Variants in TCF12 observed in about 807,000 individuals in gnomAD.
TCF12 encodes the protein transcription factor 12.
In TCF12, 45 loss-of-function variants were observed where a neutral mutation model predicts 86.0. The ratio of observed to expected loss-of-function variants is 0.52; its 90% confidence interval spans 0.41 to 0.67. The LOEUF is 0.67. Ranked by LOEUF, TCF12 falls within the 30% of genes least tolerant of loss-of-function variation. The pLI, the probability that TCF12 is intolerant of heterozygous loss-of-function variation, is 0.00. For synonymous variants in TCF12, 330 were observed against 299.6 expected (o/e 1.10, Z -1.05); for missense variants, 881 against 859.9 (o/e 1.02, Z -0.31).
At chr15:56,936,877 C>G (rs2060492300) in intron 3 of TCF12, among the ~76,000 whole-genome samples, 2 of 152,120 alleles carry the variant, frequency 1.3e-5, no homozygotes, top group African/African-American at 2.4e-5. Context: ...GTGACTATGG[C>G]CTTACAGTCT....
chr15:56,948,985 T>A (rs1176699272), intron 3 of TCF12, among the ~76,000 whole-genome samples: 2 of 152,172 alleles, frequency 1.3e-5, no homozygotes, highest in African/African-American at 4.8e-5. Flanking sequence ...CCAGGCAGAT[T>A]TTTTTGGGTG....
chr15:56,919,169 T>G (rs183438595), intron 1 of TCF12: 1 of 151,314 alleles, frequency 6.6e-6, no homozygotes, highest in Non-Finnish European at 1.5e-5. Flanking sequence ...GCGCCCAGGC[T>G]CCGGGGCGCG....
At chr15:57,151,170 A>G (rs1165819701) in intron 5 of TCF12, among the ~76,000 whole-genome samples, 2 of 142,810 alleles carry the variant, frequency 1.4e-5, no homozygotes, top group Admixed American at 1.4e-4. Context: ...TTTTAGAGAC[A>G]GGGTCTTACT....
intron 3 of TCF12, among the ~76,000 whole-genome samples, chr15:57,023,378 C>T (rs1315793220): frequency 6.6e-6 from 1 of 152,056 alleles, no homozygotes; most frequent in African/African-American, 2.4e-5. Flanking sequence ...GACATTGAAA[C>T]TCTCTTTACC....
chr15:57,108,551 T>C (rs28648502), intron 5 of TCF12, among the ~76,000 whole-genome samples: 65,329 of 151,794 alleles, frequency 0.43, 14,293 homozygotes, highest in East Asian at 0.58. Flanking sequence ...AGAAACTGGC[T>C]CTACAGGTAG....
intron 5 of TCF12, among the ~76,000 whole-genome samples, chr15:57,132,578 G>T (rs552704499): frequency 6.6e-6 from 1 of 152,200 alleles, no homozygotes; most frequent in Non-Finnish European, 1.5e-5. Flanking sequence ...TTAAGGTGCC[G>T]AATTGCCCTC....
At chr15:56,940,830 A>G (rs191910344) in intron 3 of TCF12, among the ~76,000 whole-genome samples, 57 of 148,484 alleles carry the variant, frequency 3.8e-4, no homozygotes, top group African/African-American at 1.2e-3. Flanking sequence ...ATCATAGCCT[A>G]CTGCATCCTT....
At chr15:57,153,965 A>G (rs1023623736) in intron 5 of TCF12, among the ~76,000 whole-genome samples, 5 of 151,828 alleles carry the variant, frequency 3.3e-5, no homozygotes, top group African/African-American at 1.2e-4. Flanking sequence ...ATTGCATTCC[A>G]CCCTGGGTGA....
At chr15:57,274,415 T>A (rs2061286495) in intron 19 of TCF12, among the ~76,000 whole-genome samples, 1 of 152,212 alleles carries the variant, frequency 6.6e-6, no homozygotes, top group Non-Finnish European at 1.5e-5. Flanking sequence ...CTTGCTCCTC[T>A]TCTCCCAAGG....
At chr15:57,015,851 T>G (rs2065123465) in intron 3 of TCF12, among the ~76,000 whole-genome samples, 1 of 152,222 alleles carries the variant, frequency 6.6e-6, no homozygotes, top group Non-Finnish European at 1.5e-5. Flanking sequence ...ACAACACTTC[T>G]TTCCAGGGCG....
chr15:57,232,790 A>T lies in TCF12; in HGVS notation c.904A>T (p.Thr302Ser), dbSNP rs775936474. 6 of 1,612,880 alleles carry T rather than the reference A, an allele frequency of 3.7e-6. No individual in the cohort carries two copies. Among genetic ancestry groups the T allele is most frequent in the Non-Finnish European group, 5.1e-6 (6 of 1,179,480 alleles). The change falls in exon 11 of 21, where the codon ACC becomes TCC. Residue 302 changes from threonine (T) to serine (S), a missense_variant. Thr to Ser is a moderately conservative substitution (Grantham distance 58). This residue lies in a region of TCF12 where 766 missense variants were observed against 718.9 expected (regional missense o/e 1.07). Transcript: ENST00000333725. ...AATGTCCAGCTTTCATCGCGGCAGT[A>T]CCAGCAGTTCACCTTACGTTGCTGC... ...PPMSSFHRGS[T>S]SSSPYVAASH...
chr15:56,962,644 T>G (rs1642929), intron 3 of TCF12, among the ~76,000 whole-genome samples: 1 of 151,994 alleles, frequency 6.6e-6, no homozygotes, highest in Non-Finnish European at 1.5e-5. Context: ...CAATTAGTGA[T>G]GTAACCTACT....
At chr15:57,163,712 AAATGAATT>A (rs1308591749) in intron 5 of TCF12, among the ~76,000 whole-genome samples, 1 of 152,200 alleles carries the variant, frequency 6.6e-6, no homozygotes, top group Admixed American at 6.5e-5. Flanking sequence ...CAAAATAAAT[AAATGAATT>A]AATTCAATAA....
chr15:57,187,493 A>G (rs1180934559), intron 6 of TCF12, among the ~76,000 whole-genome samples: 1 of 152,218 alleles, frequency 6.6e-6, no homozygotes, highest in Non-Finnish European at 1.5e-5. Context: ...CACTAACACT[A>G]TGATAGCTGA....
chr15:57,249,414 TAA>T (rs5812876), intron 13 of TCF12, among the ~76,000 whole-genome samples: 73 of 149,628 alleles, frequency 4.9e-4, no homozygotes, highest in Middle Eastern at 3.4e-3. Flanking sequence ...TGCTCATAAG[TAA>T]AAAAAAAAAA....
chr15:57,184,086 TC>T (rs1192531226), intron 6 of TCF12, among the ~76,000 whole-genome samples: 2 of 152,150 alleles, frequency 1.3e-5, no homozygotes, highest in African/African-American at 4.8e-5. Flanking sequence ...CAAACAGACT[TC>T]TCTTCACCAC....
intron 3 of TCF12, among the ~76,000 whole-genome samples, chr15:57,027,566 A>G (rs1487266583): frequency 1.3e-5 from 2 of 152,070 alleles, no homozygotes; most frequent in African/African-American, 4.8e-5. Flanking sequence ...TCTTGGATAC[A>G]TACTGAGTAG....
At chr15:57,103,459 G>C (rs2049900773) in intron 5 of TCF12, among the ~76,000 whole-genome samples, 4 of 152,176 alleles carry the variant, frequency 2.6e-5, no homozygotes, top group Non-Finnish European at 5.9e-5. Flanking sequence ...ACCTGCTGTA[G>C]TCCCAGCTAC....
At position 57,123,876 on chromosome 15, in the gene TCF12, C is replaced by T. The variant is rs78410903; in HGVS notation, c.325+31985C>T. On this transcript the variant is annotated intron_variant, in intron 5 of 20. Transcript: ENST00000333725. ...GCAGGAGGCTGAAGCAGGAGAATGG[C>T]GTGAACCCGGGTGAACCCGGGAGTC... 1.2e-4 allele frequency among the ~76,000 whole-genome samples: 18 copies of T among 150,968 alleles called. No homozygotes were observed. The East Asian group carries it at 2.1e-3, about 18-fold the overall frequency.
Sources: gnomAD v4.1 joint callset for allele counts (sites outside exome capture counted in the v4.1 genomes callset) on GRCh38, gnomAD v4.1.1 for gene constraint, gnomAD v4.1.1 regional missense constraint, MANE v1.5 for transcripts, NCBI Gene and HGNC (gene_info 2026-07-23, HGNC 2026-07-21) for gene names.